Variants in IKZF3 observed in about 807,000 individuals in gnomAD.
IKZF3 encodes the protein zinc finger protein Aiolos.
Under a neutral mutation model 49.0 loss-of-function variants are expected in IKZF3, and 10 were observed. The observed-to-expected ratio is 0.20, with a 90% confidence interval of 0.13 to 0.35. The LOEUF (loss-of-function observed/expected upper bound fraction) is 0.35. Ranked by LOEUF, IKZF3 falls within the 10% of genes least tolerant of loss-of-function variation. The probability of loss-of-function intolerance (pLI) is 1.00; values close to 1 mark genes in which losing one functional copy is unlikely to be tolerated. For synonymous variants in IKZF3, 209 were observed against 228.2 expected (o/e 0.92, Z 0.76); for missense variants, 498 against 664.8 (o/e 0.75, Z 2.76).
At chr17:39,837,115 G>T (rs1258037645) in intron 1 of IKZF3, among the ~76,000 whole-genome samples, 1 of 151,612 alleles carries the variant, frequency 6.6e-6, no homozygotes, top group African/African-American at 2.4e-5. Flanking sequence ...AAATTCTTTT[G>T]TAGGGACGGG....
chr17:39,842,035 C>CAAAAAAAAAAAAAAAAAAAAAAAAAAA (rs1289548051), intron 1 of IKZF3, among the ~76,000 whole-genome samples: 1 of 22,984 alleles, frequency 4.4e-5, no homozygotes, highest in Non-Finnish European at 9.5e-5. Context: ...GACAACAAAG[C>CAAAAAAAAAAAAAAAAAAAAAAAAAAA]AAAAAAAAAA....
rs547696096 is a variant in IKZF3 at position 39,760,529 on chromosome 17, G to A, written c.*5261C>T. 1.9e-4 allele frequency: 29 copies of A among 152,344 alleles called. No homozygotes were observed. Among genetic ancestry groups the A allele is most frequent in the African/African-American group, 5.3e-4 (22 of 41,550 alleles). 9.4% of individuals were successfully genotyped at this position (152,344 alleles called of 1,614,324 possible). A position where few individuals can be genotyped will look rare whatever the true frequency, so the allele number is the denominator to read the frequency against. On this transcript the variant is annotated 3_prime_UTR_variant, in exon 8 of 8. Transcript: ENST00000346872. Reference sequence around the variant, plus strand: ...AGTAGAGACAGGGTTTCTCCATGTTGGTCAGGCTGGTCTCGAACTCCCAAA... The same window carrying A: ...AGTAGAGACAGGGTTTCTCCATGTTAGTCAGGCTGGTCTCGAACTCCCAAA...
chr17:39,822,668 C>T (rs967394254), intron 3 of IKZF3, among the ~76,000 whole-genome samples: 2 of 151,150 alleles, frequency 1.3e-5, no homozygotes, highest in African/African-American at 4.9e-5. Flanking sequence ...CTGCAAGCTC[C>T]GCCTCCTGGA....
intron 1 of IKZF3, among the ~76,000 whole-genome samples, chr17:39,842,494 C>T (rs2062507339): frequency 6.6e-6 from 1 of 152,148 alleles, no homozygotes; most frequent in Non-Finnish European, 1.5e-5. Flanking sequence ...AGGAAGTGCT[C>T]ACAGAATGAA....
chr17:39,857,948 C>A, intron 1 of IKZF3, among the ~76,000 whole-genome samples: 2 of 146,916 alleles, frequency 1.4e-5, no homozygotes, highest in African/African-American at 2.6e-5. Flanking sequence ...GTAGAGAGAC[C>A]TCATCTCAAA....
chr17:39,833,015 A>C (rs987961249), intron 1 of IKZF3, among the ~76,000 whole-genome samples: 11 of 152,138 alleles, frequency 7.2e-5, no homozygotes, highest in African/African-American at 2.4e-4. Context: ...ATGTATCAAT[A>C]AAAAATTTTA....
intron 4 of IKZF3, among the ~76,000 whole-genome samples, chr17:39,791,997 G>T (rs538210500): frequency 6.7e-6 from 1 of 149,972 alleles, no homozygotes; most frequent in South Asian, 2.1e-4. Context: ...GGGTTCAAGT[G>T]AGCCTGTCAC....
At chr17:39,814,683 G>C (rs558898745) in intron 3 of IKZF3, among the ~76,000 whole-genome samples, 4 of 152,064 alleles carry the variant, frequency 2.6e-5, no homozygotes, top group Non-Finnish European at 5.9e-5. Flanking sequence ...GAGTTATGCT[G>C]CCATGACCAA....
chr17:39,793,528 G>A (rs1400990614), intron 3 of IKZF3, among the ~76,000 whole-genome samples: 1 of 152,212 alleles, frequency 6.6e-6, no homozygotes, highest in Non-Finnish European at 1.5e-5. Context: ...AACATTGACT[G>A]TAGAGGAAGT....
chr17:39,843,087 A>T (rs2062526551), intron 1 of IKZF3, among the ~76,000 whole-genome samples: 1 of 152,220 alleles, frequency 6.6e-6, no homozygotes, highest in African/African-American at 2.4e-5. Context: ...ACTGTTCCAG[A>T]CTGAAGGAGA....
intron 1 of IKZF3, chr17:39,835,094 T>C: frequency 1.4e-5 from 6 of 439,684 alleles, no homozygotes; most frequent in South Asian, 8.4e-5. Flanking sequence ...CAAAGCTGGA[T>C]CCCAAGCCAT....
At chr17:39,828,165 C>T (rs144506500) in intron 3 of IKZF3, among the ~76,000 whole-genome samples, 4 of 152,276 alleles carry the variant, frequency 2.6e-5, no homozygotes, top group East Asian at 1.9e-4. Flanking sequence ...AAAGTGTAAC[C>T]GTAGCTTTAA....
chr17:39,835,687 A>G, intron 1 of IKZF3: 2 of 462,612 alleles, frequency 4.3e-6, no homozygotes, highest in Non-Finnish European at 8.4e-6. Flanking sequence ...GATGTGTCCA[A>G]GATCTGGGAC....
intron 1 of IKZF3, among the ~76,000 whole-genome samples, chr17:39,838,479 T>C (rs898486065): frequency 6.6e-6 from 1 of 152,228 alleles, no homozygotes; most frequent in African/African-American, 2.4e-5. Context: ...TTTTAATTTC[T>C]CTGCTGAGGT....
intron 7 of IKZF3, among the ~76,000 whole-genome samples, chr17:39,775,825 G>A (rs1323767076): frequency 1.3e-5 from 2 of 151,792 alleles, no homozygotes; most frequent in Admixed American, 6.6e-5. Flanking sequence ...TCAGGAGGCT[G>A]AGGCAGGAAA....
intron 7 of IKZF3, 22 bp from the exon 8 acceptor site, chr17:39,766,515 G>A (rs1478222563): frequency 4.5e-6 from 7 of 1,571,678 alleles, no homozygotes; most frequent in Non-Finnish European, 6.1e-6. Context: ...GACAGAAAGG[G>A]TTACAAAGGG....
Position 39,819,830 on chromosome 17 carries a change from TA to T in IKZF3, c.163+9556del, listed in dbSNP as rs200713979. ...GACTACAGGCACACACAAAGCTAAT[TA>T]AAAAAAAATTTTTTTTTTGTAGAGA... On this transcript the variant is annotated intron_variant, in intron 3 of 7. Transcript: ENST00000346872. Among the ~76,000 whole-genome samples the T allele has an allele frequency of 1.1e-4, 16 of 151,774 alleles. No individual in the cohort carries two copies. The South Asian group carries it at 2.7e-3, about 26-fold the overall frequency.
At chr17:39,802,606 C>CAA (rs34276646) in intron 3 of IKZF3, among the ~76,000 whole-genome samples, 1 of 94,802 alleles carries the variant, frequency 1.1e-5, no homozygotes, top group Non-Finnish European at 2.3e-5. Flanking sequence ...GACCCTGTCT[C>CAA]AAAAAAAAAA....
intron 1 of IKZF3, among the ~76,000 whole-genome samples, chr17:39,863,848 T>C (rs1452881945): frequency 6.6e-6 from 1 of 152,158 alleles, no homozygotes; most frequent in African/African-American, 2.4e-5. Context: ...TTAAGTGCTC[T>C]TCCTCTGCAG....
Sources: allele counts gnomAD v4.1 joint callset (sites outside exome capture counted in the v4.1 genomes callset), GRCh38; gene constraint gnomAD v4.1.1; transcripts MANE v1.5; gene names NCBI Gene and HGNC (gene_info 2026-07-23, HGNC 2026-07-21).